EPM2A: variants seen among roughly 807,000 people sequenced by gnomAD.
The protein encoded by EPM2A is EPM2A glucan phosphatase, laforin, also known as laforin.
EPM2A carries 21 observed loss-of-function variants against 26.5 expected under a neutral mutation model. The ratio of observed to expected loss-of-function variants is 0.79; its 90% CI spans 0.56 to 1.14. The LOEUF is 1.14. Ranked by LOEUF, EPM2A falls within the 50% of genes most tolerant of loss-of-function variation. The probability of loss-of-function intolerance (pLI) is 0.00; values close to 1 mark genes in which losing one functional copy is unlikely to be tolerated. For synonymous variants in EPM2A, 217 were observed against 177.6 expected (o/e 1.22, Z -1.76); for missense variants, 458 against 440.8 (o/e 1.04, Z -0.35).
intron 1 of EPM2A, among the ~76,000 whole-genome samples, chr6:145,708,259 G>A (rs1381712507): frequency 6.6e-6 from 1 of 152,204 alleles, no homozygotes; most frequent in East Asian, 1.9e-4. Context: ...AAAAAATCCA[G>A]CTGGCTACAG....
rs548275006 is a variant in EPM2A, at chr6:145,717,085, C to G, written c.301+18113G>C. 5.3e-5 allele frequency among the ~76,000 whole-genome samples: 8 copies of G among 152,078 alleles called. No homozygotes were observed. In the South Asian group the frequency reaches 8.3e-4, roughly 16 times the overall value. On this transcript the variant is annotated intron_variant, in intron 1 of 3. Transcript: ENST00000367519. ...CCTTCTGAAACTATTCCAATCAATA[C>G]AAAAAGAGGGAATCCTCCCTAACTC...
chr6:145,419,181 C>T (rs971770892), intron 4 of EPM2A, among the ~76,000 whole-genome samples: 1 of 14,288 alleles, frequency 7.0e-5, no homozygotes, highest in African/African-American at 2.5e-4. Context: ...TGTTAAATGT[C>T]CCCCCCCCCC....
intron 1 of EPM2A, among the ~76,000 whole-genome samples, chr6:145,725,903 A>C (rs1367675717): frequency 6.6e-6 from 1 of 152,048 alleles, no homozygotes; most frequent in African/African-American, 2.4e-5. Context: ...TATATTTCCC[A>C]TATATATACA....
chr6:145,575,433 G>T (rs1468633525), intron 2 of EPM2A, among the ~76,000 whole-genome samples: 3 of 152,150 alleles, frequency 2.0e-5, no homozygotes, highest in Non-Finnish European at 1.5e-5. Flanking sequence ...GGTTGTATCT[G>T]TTTTTCCGCA....
At chr6:145,587,538 T>C (rs1398666820) in intron 2 of EPM2A, among the ~76,000 whole-genome samples, 1 of 152,204 alleles carries the variant, frequency 6.6e-6, no homozygotes, top group African/African-American at 2.4e-5. Context: ...CCTGCTGTGA[T>C]CCATTAGTAA....
At chr6:145,709,459 G>C (rs766052486) in intron 1 of EPM2A, among the ~76,000 whole-genome samples, 12 of 152,094 alleles carry the variant, frequency 7.9e-5, no homozygotes, top group Non-Finnish European at 1.3e-4. Context: ...ATAAAGGGGA[G>C]TTCTCCTGCA....
intron 2 of EPM2A, chr6:145,685,027 A>G (rs1780807353): frequency 6.6e-6 from 1 of 152,194 alleles, no homozygotes; most frequent in Non-Finnish European, 1.5e-5. Context: ...TCAAAATAAC[A>G]CATTCTTTAA....
At chr6:145,445,539 T>G (rs1052106650) in intron 4 of EPM2A, among the ~76,000 whole-genome samples, 1 of 152,164 alleles carries the variant, frequency 6.6e-6, no homozygotes, top group African/African-American at 2.4e-5. Flanking sequence ...ACTGGGGTAT[T>G]CTAAAATTCT....
Position 145,677,741 on chromosome 6 carries a change from AAGG to A in EPM2A, c.476+8378_476+8380del, listed in dbSNP as rs1362742232. The stretch of plus-strand genomic sequence containing the variant: ...TACAAGGGATGTGAAGGACCTCTTT[AAGG>A]AGAACTACAAACCACTGCTCAACAA... On this transcript the variant is annotated intron_variant, in intron 2 of 3. Transcript: ENST00000367519. 2.0e-5 allele frequency among the ~76,000 whole-genome samples: 3 copies of A among 152,314 alleles called. No individual in the cohort carries two copies. In the East Asian group the frequency reaches 5.8e-4, roughly 29 times the overall value.
At chr6:145,733,705 A>G (rs1415826210) in intron 1 of EPM2A, among the ~76,000 whole-genome samples, 1 of 152,258 alleles carries the variant, frequency 6.6e-6, no homozygotes, top group African/African-American at 2.4e-5. Flanking sequence ...GTATCTTTCA[A>G]TTCTGTCATG....
intron 2 of EPM2A, among the ~76,000 whole-genome samples, chr6:145,533,590 G>C (rs564989335): frequency 6.6e-6 from 1 of 152,202 alleles, no homozygotes; most frequent in East Asian, 1.9e-4. Context: ...TATCTCAAAT[G>C]CATGAGCTCA....
intron 4 of EPM2A, among the ~76,000 whole-genome samples, chr6:145,445,610 C>A (rs1288519090): frequency 6.6e-6 from 1 of 152,152 alleles, no homozygotes; most frequent in East Asian, 1.9e-4. Context: ...CTCCTCAGGG[C>A]TGCTAGCCTT....
At chr6:145,602,346 A>G (rs1277370125) in intron 2 of EPM2A, among the ~76,000 whole-genome samples, 1 of 152,234 alleles carries the variant, frequency 6.6e-6, no homozygotes, top group Non-Finnish European at 1.5e-5. Context: ...TGTATATCTA[A>G]TAAGAGAAAA....
At chr6:145,685,953 C>CGG (rs1205240292) in intron 2 of EPM2A, among the ~76,000 whole-genome samples, 169 bp downstream of exon 2, 2 of 152,156 alleles carry the variant, frequency 1.3e-5, no homozygotes, top group Non-Finnish European at 2.9e-5. Flanking sequence ...ACATCTAGAC[C>CGG]CAGAAAATCT....
intron 2 of EPM2A, among the ~76,000 whole-genome samples, chr6:145,546,835 T>C (rs982385938): frequency 3.9e-5 from 6 of 152,118 alleles, no homozygotes; most frequent in Non-Finnish European, 7.3e-5. Flanking sequence ...CCCTCCTCAT[T>C]TTACCCCTTC....
chr6:145,417,072 T>C (rs1339849764), intron 4 of EPM2A, among the ~76,000 whole-genome samples: 2 of 152,182 alleles, frequency 1.3e-5, no homozygotes, highest in African/African-American at 4.8e-5. Context: ...CAAGGTGATA[T>C]TGAGACCTTG....
At chr6:145,538,167 G>C (rs941653439) in intron 2 of EPM2A, among the ~76,000 whole-genome samples, 3 of 152,126 alleles carry the variant, frequency 2.0e-5, no homozygotes, top group African/African-American at 7.2e-5. Flanking sequence ...CTAGATCCTT[G>C]AGGAATCACC....
intron 1 of EPM2A, among the ~76,000 whole-genome samples, chr6:145,711,896 A>T (rs1293582861): frequency 2.0e-5 from 3 of 152,140 alleles, no homozygotes; most frequent in Admixed American, 6.6e-5. Flanking sequence ...AGGTTTCAAA[A>T]TTTTTTGGAA....
chr6:145,638,371 T>C (rs1776852326), intron 2 of EPM2A: 1 of 152,170 alleles, frequency 6.6e-6, no homozygotes, highest in African/African-American at 2.4e-5. Flanking sequence ...GAGTCACATG[T>C]TGTTGCTAAA....
Sources: allele counts gnomAD v4.1 joint callset (sites outside exome capture counted in the v4.1 genomes callset), GRCh38; gene constraint gnomAD v4.1.1; transcripts MANE v1.5; gene names NCBI Gene and HGNC (gene_info 2026-07-23, HGNC 2026-07-21).